The following CAST variants were observed in gnomAD, a reference collection of about 807,000 sequenced individuals.
CAST encodes the protein MIR583 host.
Under a neutral mutation model 119.6 loss-of-function variants are expected in CAST, and 76 were observed. That is an observed-to-expected ratio of 0.64 (90% CI 0.53 to 0.77). The LOEUF (loss-of-function observed/expected upper bound fraction) is 0.77, where lower values mean the gene tolerates loss of function less well. CAST is among the 30% of genes least tolerant of loss of function. The probability of loss-of-function intolerance (pLI) is 0.00; values close to 1 mark genes in which losing one functional copy is unlikely to be tolerated. For synonymous variants in CAST, 319 were observed against 331.6 expected (o/e 0.96, Z 0.41); for missense variants, 953 against 946.5 (o/e 1.01, Z -0.09).
chr5:96,240,735 CTTTTTTT>C, the CAST span, among the ~76,000 whole-genome samples: 8 of 102,424 alleles, frequency 7.8e-5, no homozygotes, highest in South Asian at 3.3e-4. Context: ...AGCTAACTTT[CTTTTTTT>C]TTTTTTTTTT....
the CAST span, among the ~76,000 whole-genome samples, chr5:96,238,365 T>A: frequency 2.4e-5 from 3 of 127,588 alleles, no homozygotes; most frequent in East Asian, 4.4e-4. Context: ...CTTCTTCTTC[T>A]CCTTCTTCTC....
the CAST span, chr5:96,111,066 G>T: frequency 6.6e-6 from 1 of 152,174 alleles, no homozygotes; most frequent in Non-Finnish European, 1.5e-5. Context: ...CACTTCTGAT[G>T]CCAATCACAA....
At chr5:96,540,374 A>AT (rs1745890255) in intron 1 of CAST, among the ~76,000 whole-genome samples, 1 of 151,300 alleles carries the variant, frequency 6.6e-6, no homozygotes. Flanking sequence ...ATCCTTTCAG[A>AT]TTTTGTATGT....
chr5:96,381,788 C>T, the CAST span, among the ~76,000 whole-genome samples: 8 of 152,310 alleles, frequency 5.3e-5, no homozygotes, highest in Admixed American at 3.3e-4. Flanking sequence ...GTGGTTAATA[C>T]ATCTGACATA....
At chr5:96,746,558 T>C (rs753180901) in intron 17 of CAST, 133 bp downstream of exon 17, 3 of 693,564 alleles carry the variant, frequency 4.3e-6, no homozygotes, top group Admixed American at 2.2e-5. Context: ...ACCCTGAACC[T>C]TTTTTTCTCT....
intron 20 of CAST, among the ~76,000 whole-genome samples, chr5:96,751,547 A>C (rs1000106495): frequency 2.0e-5 from 3 of 152,128 alleles, no homozygotes; most frequent in African/African-American, 7.2e-5. Flanking sequence ...TGTGGATATG[A>C]GCCCTCCCCA....
At chr5:96,191,217 C>T in the CAST span, among the ~76,000 whole-genome samples, 2 of 152,282 alleles carry the variant, frequency 1.3e-5, no homozygotes, top group African/African-American at 4.8e-5. Context: ...GAATGGGATT[C>T]TACAAGACTG....
At chr5:96,513,118 G>A in the CAST span, among the ~76,000 whole-genome samples, 2 of 151,852 alleles carry the variant, frequency 1.3e-5, no homozygotes, top group East Asian at 1.9e-4. Flanking sequence ...TCACTCATTC[G>A]GCTGCTAATT....
the CAST span, chr5:96,410,785 C>G: frequency 1.2e-6 from 2 of 1,613,066 alleles, no homozygotes; most frequent in African/African-American, 1.3e-5. Flanking sequence ...ATTCTCTGGT[C>G]GGTGTAATCT....
At chr5:96,515,452 C>A in the CAST span, among the ~76,000 whole-genome samples, 81 of 152,150 alleles carry the variant, frequency 5.3e-4, no homozygotes, top group Non-Finnish European at 8.2e-4. Flanking sequence ...AGTGGTAAAG[C>A]AGAAAGACAG....
the CAST span, among the ~76,000 whole-genome samples, chr5:96,264,787 G>T: frequency 1.3e-5 from 2 of 152,174 alleles, no homozygotes; most frequent in Admixed American, 6.5e-5. Flanking sequence ...GGAATCTCAC[G>T]TGTATATGCT....
the CAST span, among the ~76,000 whole-genome samples, chr5:96,364,790 A>T: frequency 1.3e-5 from 2 of 151,936 alleles, no homozygotes; most frequent in Non-Finnish European, 2.9e-5. Context: ...GGATTCATTG[A>T]TTTTTGGAAG....
the CAST span, among the ~76,000 whole-genome samples, chr5:96,504,208 C>T: frequency 2.0e-5 from 3 of 152,064 alleles, no homozygotes; most frequent in Non-Finnish European, 4.4e-5. Context: ...TACCTTATCA[C>T]TCTCCACCCT....
At chr5:95,974,437 G>A in the CAST span, among the ~76,000 whole-genome samples, 1 of 152,166 alleles carries the variant, frequency 6.6e-6, no homozygotes, top group African/African-American at 2.4e-5. Context: ...TTTTCATCAA[G>A]TGTTTGTACC....
the CAST span, among the ~76,000 whole-genome samples, chr5:96,209,198 T>C: frequency 6.6e-6 from 1 of 152,062 alleles, no homozygotes; most frequent in African/African-American, 2.4e-5. Context: ...TCCGTTTACT[T>C]TGAGCTTATT....
chr5:96,424,337 G>A, the CAST span, among the ~76,000 whole-genome samples: 1 of 152,186 alleles, frequency 6.6e-6, no homozygotes, highest in Admixed American at 6.5e-5. Flanking sequence ...GGCTGGAACT[G>A]TACACAGATT....
chr5:96,183,799 C>T, the CAST span, among the ~76,000 whole-genome samples: 1 of 152,036 alleles, frequency 6.6e-6, no homozygotes, highest in Admixed American at 6.6e-5. Flanking sequence ...TTTAACATTC[C>T]CTTGTTCTTT....
chr5:96,224,753 C>G, the CAST span, among the ~76,000 whole-genome samples: 1 of 152,152 alleles, frequency 6.6e-6, no homozygotes, highest in Non-Finnish European at 1.5e-5. Context: ...ATGGCAGCCA[C>G]GGGATACTAA....
chr5:96,652,016 T>C lies in CAST; in HGVS notation c.61-23523T>C, dbSNP rs115941329. ...TATTAGTAGGCTCATGTTACAAAGA[T>C]ACTGAGTCTCAGAGAGCTTCGGTAA... is the stretch of plus-strand genomic sequence containing the variant. On this transcript the variant is annotated intron_variant, in intron 1 of 11. Transcript: ENST00000505143. Among the ~76,000 whole-genome samples the C allele has an allele frequency of 8.4e-3, 1,274 of 152,348 alleles. 21 individuals are homozygous for C. The highest frequency in any genetic ancestry group is 0.03 in the African/African-American group (1,238 of 41,574).
Sources: gnomAD v4.1 joint callset for allele counts (sites outside exome capture counted in the v4.1 genomes callset) on GRCh38, gnomAD v4.1.1 for gene constraint, MANE v1.5 for transcripts, NCBI Gene and HGNC (gene_info 2026-07-23, HGNC 2026-07-21) for gene names.